Variants in FMN1 observed in about 807,000 individuals in gnomAD.
FMN1 encodes formin 1, also known as formin-1.
FMN1 carries 110 observed loss-of-function variants against 132.4 expected under a neutral mutation model. That is an observed-to-expected ratio of 0.83 (90% CI 0.71 to 0.97). The LOEUF (loss-of-function observed/expected upper bound fraction) is 0.97. Ranked by LOEUF, FMN1 falls within the 50% of genes least tolerant of loss-of-function variation. The pLI, the probability that FMN1 is intolerant of heterozygous loss-of-function variation, is 0.00. For synonymous variants in FMN1, 722 were observed against 651.7 expected, an observed-to-expected ratio of 1.11 and a Z score of -1.64; for missense variants, 1,792 against 1,705.3, an observed-to-expected ratio of 1.05 and a Z score of -0.90.
At chr15:32,990,061 G>A (rs2033339571) in intron 7 of FMN1, among the ~76,000 whole-genome samples, 1 of 152,130 alleles carries the variant, frequency 6.6e-6, no homozygotes, top group South Asian at 2.1e-4. Context: ...TCTGGTTTTG[G>A]GAATTTTAAA....
intron 6 of FMN1, among the ~76,000 whole-genome samples, chr15:33,040,140 C>G (rs1395620994): frequency 6.6e-6 from 1 of 152,190 alleles, no homozygotes; most frequent in Non-Finnish European, 1.5e-5. Context: ...TCATAATAAA[C>G]TAAAAACAAG....
intron 5 of FMN1, among the ~76,000 whole-genome samples, chr15:33,084,333 A>C (rs2038606618): frequency 6.6e-6 from 1 of 152,188 alleles, no homozygotes; most frequent in African/African-American, 2.4e-5. Flanking sequence ...TGTACAAGTT[A>C]TCCTAGCAAA....
chr15:32,789,396 A>G (rs1419342428), intron 19 of FMN1, among the ~76,000 whole-genome samples: 1 of 152,230 alleles, frequency 6.6e-6, no homozygotes, highest in African/African-American at 2.4e-5. Flanking sequence ...TAGTCTGTAT[A>G]TCACTTGAGA....
intron 7 of FMN1, among the ~76,000 whole-genome samples, chr15:32,971,476 A>T (rs1366707029): frequency 6.6e-6 from 1 of 152,144 alleles, no homozygotes; most frequent in Non-Finnish European, 1.5e-5. Context: ...GATCGAGATA[A>T]TCTTTGTTTC....
At chr15:32,929,981 ATTTTTTTT>A (rs377263342) in intron 9 of FMN1, among the ~76,000 whole-genome samples, 6 of 91,970 alleles carry the variant, frequency 6.5e-5, no homozygotes, top group Non-Finnish European at 9.9e-5. Flanking sequence ...CTATTTTTAA[ATTTTTTTT>A]TTTTTTTTTT....
chr15:32,865,696 C>T (rs944779975), intron 16 of FMN1, among the ~76,000 whole-genome samples: 5 of 151,986 alleles, frequency 3.3e-5, no homozygotes, highest in African/African-American at 1.2e-4. Flanking sequence ...ATTAGCCAGG[C>T]GTGGTGGCGC....
intron 16 of FMN1, among the ~76,000 whole-genome samples, chr15:32,882,981 T>C (rs1162957855): frequency 6.6e-6 from 1 of 152,212 alleles, no homozygotes; most frequent in African/African-American, 2.4e-5. Flanking sequence ...GAAGCCAGAA[T>C]CAAAGAGGAT....
chr15:32,847,273 G>GGT (rs931707422), intron 17 of FMN1, among the ~76,000 whole-genome samples: 11 of 130,820 alleles, frequency 8.4e-5, no homozygotes, highest in South Asian at 5.5e-4. Flanking sequence ...AAGATGTAGG[G>GGT]GTGTGTGTGT....
intron 4 of FMN1, among the ~76,000 whole-genome samples, chr15:33,122,240 CTTAT>C (rs1038563679): frequency 1.7e-4 from 26 of 152,198 alleles, no homozygotes; most frequent in African/African-American, 5.3e-4. Flanking sequence ...TAAGCTAAGT[CTTAT>C]TTATTCTTGT....
At chr15:32,813,888 C>T (rs781315723) in intron 17 of FMN1, among the ~76,000 whole-genome samples, 4 of 152,258 alleles carry the variant, frequency 2.6e-5, no homozygotes, top group Admixed American at 1.3e-4. Flanking sequence ...CATTTTCCAA[C>T]GCTCCCTGCT....
At chr15:32,820,175 C>A (rs1328089660) in intron 17 of FMN1, among the ~76,000 whole-genome samples, 1 of 152,078 alleles carries the variant, frequency 6.6e-6, no homozygotes, top group African/African-American at 2.4e-5. Context: ...AACTGAGTAA[C>A]AAAGATTCAT....
At chr15:32,972,777 C>T (rs2031894855) in intron 7 of FMN1, among the ~76,000 whole-genome samples, 2 of 152,100 alleles carry the variant, frequency 1.3e-5, no homozygotes, top group Admixed American at 1.3e-4. Context: ...AAACTTGGTA[C>T]CTTGAGATCA....
intron 6 of FMN1, among the ~76,000 whole-genome samples, chr15:33,029,455 C>T (rs886740348): frequency 3.3e-5 from 5 of 152,032 alleles, no homozygotes; most frequent in East Asian, 1.9e-4. Flanking sequence ...TTGAGAGTCG[C>T]GTGTAGACTA....
chr15:33,041,808 T>C (rs546963146), intron 6 of FMN1, among the ~76,000 whole-genome samples: 2 of 152,280 alleles, frequency 1.3e-5, no homozygotes, highest in East Asian at 3.9e-4. Context: ...ATGCACATAG[T>C]GTCAGTTTTG....
At chr15:32,891,963 T>G (rs1366161418) in intron 15 of FMN1, among the ~76,000 whole-genome samples, 1 of 152,172 alleles carries the variant, frequency 6.6e-6, no homozygotes, top group Non-Finnish European at 1.5e-5. Context: ...TGGAGGAGTC[T>G]TTAGGGTTTT....
At chr15:33,124,993 C>A (rs1349912451) in intron 4 of FMN1, among the ~76,000 whole-genome samples, 1 of 152,058 alleles carries the variant, frequency 6.6e-6, no homozygotes, top group Non-Finnish European at 1.5e-5. Context: ...AGTTATATTC[C>A]TGGAATGTAT....
rs559793882 is a variant in FMN1, at chr15:33,138,754, A to G, written c.1867+14294T>C. On this transcript the variant is annotated intron_variant, in intron 4 of 20. Coordinates refer to ENST00000616417, the MANE Select transcript of FMN1 (RefSeq NM_001277313.2). ...AGATATCGGTTCACATCATCATGCTATGTCCCTCCCAGCATGAAGAGATGG... is the reference window on the plus strand; with the variant it reads ...AGATATCGGTTCACATCATCATGCTGTGTCCCTCCCAGCATGAAGAGATGG... Among the ~76,000 whole-genome samples the G allele has an allele frequency of 5.9e-5, 9 of 152,288 alleles. No homozygotes were observed. The South Asian group carries it at 1.9e-3, about 32-fold the overall frequency.
intron 17 of FMN1, among the ~76,000 whole-genome samples, chr15:32,836,365 T>C (rs2058627464): frequency 6.6e-6 from 1 of 152,178 alleles, no homozygotes; most frequent in Non-Finnish European, 1.5e-5. Context: ...AAGCTTTTGG[T>C]ATCATAATTT....
At chr15:33,181,493 G>A (rs1275536873) in intron 2 of FMN1, among the ~76,000 whole-genome samples, 1 of 152,020 alleles carries the variant, frequency 6.6e-6, no homozygotes, top group Non-Finnish European at 1.5e-5. Flanking sequence ...CTTTCTGCCC[G>A]ATGGCTTTCT....
Sources: allele counts gnomAD v4.1 joint callset (sites outside exome capture counted in the v4.1 genomes callset), GRCh38; gene constraint gnomAD v4.1.1; transcripts MANE v1.5; gene names NCBI Gene and HGNC (gene_info 2026-07-23, HGNC 2026-07-21).